GPR157: variants seen among roughly 807,000 people sequenced by gnomAD.
GPR157 encodes G-protein coupled receptor 157.
In GPR157, 16 loss-of-function variants were observed where a neutral mutation model predicts 23.5. The ratio of observed to expected loss-of-function variants is 0.68; its 90% CI spans 0.46 to 1.04. The LOEUF (loss-of-function observed/expected upper bound fraction) is 1.04. GPR157 is among the 50% of genes least tolerant of loss of function. GPR157 has a pLI of 0.00. For missense variants in GPR157, 440 were observed against 460.7 expected (o/e 0.96, Z 0.41); for synonymous variants, 200 against 221.5 (o/e 0.90, Z 0.86).
In GPR157 at chr1:9,128,880, GC is replaced by G; in HGVS notation, c.147del (p.Leu50CysfsTer93). On this transcript the variant is annotated frameshift_variant, in exon 1 of 4. Transcript: ENST00000377411. LOFTEE classifies it high-confidence loss of function. The surrounding 1 kb of genome is among the most constrained non-coding windows in gnomAD (Gnocchi z 6.3). ...AGGTCGGCCAGCGACAGGAAGAGCA[GC>G]AGGCGCCGTGCCCGGCTGCGCAGGT... ...WPDLRSRARR[L>X]LLFLSLADLL... The G allele has an allele frequency of 1.3e-6, 2 of 1,565,830 alleles. No individual in the cohort carries two copies. The highest frequency in any genetic ancestry group is 1.7e-6 in the Non-Finnish European group (2 of 1,157,094).
intron 1 of GPR157, among the ~76,000 whole-genome samples, chr1:9,112,048 G>A (rs539103019): frequency 2.6e-5 from 4 of 152,184 alleles, no homozygotes; most frequent in South Asian, 2.1e-4. Context: ...TGCTGCTGTC[G>A]TGACTGTTGT....
intron 1 of GPR157, among the ~76,000 whole-genome samples, chr1:9,126,249 G>A (rs559158435): frequency 4.6e-5 from 7 of 152,274 alleles, no homozygotes; most frequent in East Asian, 3.9e-4. Flanking sequence ...ATGAGCCACC[G>A]TGCCCAACTC....
intron 1 of GPR157, among the ~76,000 whole-genome samples, chr1:9,121,030 C>T (rs1283266021): frequency 6.6e-6 from 1 of 152,112 alleles, no homozygotes; most frequent in Non-Finnish European, 1.5e-5. Flanking sequence ...ACGGTGAGCT[C>T]GTTTCAAATT....
intron 1 of GPR157, among the ~76,000 whole-genome samples, chr1:9,123,803 TA>T (rs1638908445): frequency 4.6e-5 from 6 of 131,236 alleles, no homozygotes; most frequent in South Asian, 2.2e-4. Flanking sequence ...ATTATATATA[TA>T]TAATATTAAA....
intron 2 of GPR157, among the ~76,000 whole-genome samples, chr1:9,106,937 CT>C (rs1557694222): frequency 1.3e-5 from 2 of 152,128 alleles, no homozygotes; most frequent in Admixed American, 6.6e-5. Flanking sequence ...GCACTCCAGC[CT>C]GGGCAACAGC....
At chr1:9,126,907 T>A (rs753249959) in intron 1 of GPR157, among the ~76,000 whole-genome samples, 74 of 152,216 alleles carry the variant, frequency 4.9e-4, no homozygotes, top group Middle Eastern at 3.4e-3. Context: ...TTTTTAAAAA[T>A]TTTTTTCTTT....
Position 9,105,672 on chromosome 1 carries a change from T to C in GPR157, c.606A>G (p.Ala202=). 1.2e-6 allele frequency: 2 copies of C among 1,607,372 alleles called. No homozygotes were observed. The highest frequency in any genetic ancestry group is 2.2e-5 in the South Asian group (2 of 89,780). The part of the protein sequence containing the change: ...VRKHINRAHT[A]LSEYRPILSQ... ...AGAGGATGGGCCGGTACTCAGAGAGTGCCGTGTGCTGTGTGGGGACAGCGA... is the reference window on the plus strand; with the variant it reads ...AGAGGATGGGCCGGTACTCAGAGAGCGCCGTGTGCTGTGTGGGGACAGCGA... Residue 202 remains alanine (A), a synonymous_variant, in exon 3 of 4, where the codon GCA becomes GCG. Transcript: ENST00000377411. The surrounding 1 kb of genome is among the most constrained non-coding windows in gnomAD (Gnocchi z 4.8).
At chr1:9,108,228 A>G (rs535181483) in intron 2 of GPR157, among the ~76,000 whole-genome samples, 1 of 151,876 alleles carries the variant, frequency 6.6e-6, no homozygotes, top group Non-Finnish European at 1.5e-5. Flanking sequence ...TCAGCCCCCA[A>G]TCTTCTGCAA....
intron 1 of GPR157, among the ~76,000 whole-genome samples, chr1:9,113,712 G>A (rs1638564524): frequency 6.6e-6 from 1 of 152,112 alleles, no homozygotes; most frequent in Non-Finnish European, 1.5e-5. Context: ...GGGAGGCCAA[G>A]GTGGGCAGAA....
In GPR157 at chr1:9,128,936, A is replaced by C. The variant is rs1265408973; in HGVS notation, c.92T>G (p.Leu31Arg). ...CCACAGGGCGTGCGTGGCCACCAGC[A>C]GGCCCGAGCCGAGCGCGGAGAGTGC... is the stretch of plus-strand genomic sequence containing the variant. ...SCALSALGSG[L>R]LVATHALWPD... is the part of the protein sequence containing the mutation. The change falls in exon 1 of 4, where the codon CTG becomes CGG. Residue 31 changes from leucine (L) to arginine (R), a missense_variant. Physicochemically the swap from Leu to Arg is moderately radical, Grantham distance 102. Transcript: ENST00000377411. The surrounding 1 kb of genome is among the most constrained non-coding windows in gnomAD (Gnocchi z 6.3). 6.6e-7 allele frequency: 1 copy of C among 1,521,200 alleles called. No homozygotes were observed. 94.2% of individuals were successfully genotyped at this position (1,521,200 alleles called of 1,614,324 possible).
In GPR157 at chr1:9,101,764, C is replaced by T. The variant is rs1418285292; in HGVS notation, c.*2655G>A. 1.3e-5 allele frequency: 2 copies of T among 152,260 alleles called. No homozygotes were observed. Among genetic ancestry groups the T allele is most frequent in the Non-Finnish European group, 2.9e-5 (2 of 68,066 alleles). 9.4% of individuals were successfully genotyped at this position (152,260 alleles called of 1,614,324 possible). On this transcript the variant is annotated 3_prime_UTR_variant, in exon 4 of 4. Coordinates refer to ENST00000377411, the MANE Select transcript of GPR157 (RefSeq NM_024980.5). ...CCTTTCCTGACCACAGCCAGTCCAT[C>T]TGGGGAGCCATGTCTCAGCTCTGGC... is the stretch of plus-strand genomic sequence containing the variant.
intron 1 of GPR157, among the ~76,000 whole-genome samples, chr1:9,116,329 T>TATAATTA (rs1458265780): frequency 2.8e-5 from 1 of 35,242 alleles, no homozygotes; most frequent in African/African-American, 1.9e-4. Flanking sequence ...TATATATAAA[T>TATAATTA]TATATATAAT....
In GPR157 at chr1:9,105,809, G is replaced by A. The variant is rs1705303; in HGVS notation, c.598-129C>T. 1,083 of 728,484 alleles carry A rather than the reference G, an allele frequency of 1.5e-3. No individual in the cohort carries two copies. The highest frequency in any genetic ancestry group is 2.1e-3 in the Non-Finnish European group (927 of 449,142). 45.1% of individuals were successfully genotyped at this position (728,484 alleles called of 1,614,324 possible). On this transcript the variant is annotated intron_variant, in intron 2 of 3. Transcript: ENST00000377411. This position sits in a 1 kb window ranked among gnomAD's most constrained non-coding sequence, Gnocchi z 4.8. ...GTAGGGGAGATGTGTGGTGGAGCCCGGATCCTTCTCCTGAACCCTGACTGC... is the reference window on the plus strand; with the variant it reads ...GTAGGGGAGATGTGTGGTGGAGCCCAGATCCTTCTCCTGAACCCTGACTGC...
intron 1 of GPR157, among the ~76,000 whole-genome samples, chr1:9,122,832 C>T (rs1006151080): frequency 6.6e-6 from 1 of 151,940 alleles, no homozygotes; most frequent in Non-Finnish European, 1.5e-5. Context: ...TTTTCCTTTG[C>T]TATCAGGGAC....
At chr1:9,113,469 T>C (rs942905074) in intron 1 of GPR157, among the ~76,000 whole-genome samples, 2 of 152,122 alleles carry the variant, frequency 1.3e-5, no homozygotes, top group African/African-American at 4.8e-5. Flanking sequence ...GAAGGCCTCA[T>C]GCAGGATGCT....
At chr1:9,121,918 G>A (rs1483953048) in intron 1 of GPR157, among the ~76,000 whole-genome samples, 14 of 152,076 alleles carry the variant, frequency 9.2e-5, no homozygotes, top group East Asian at 7.7e-4. Context: ...GAGATGAACC[G>A]GCTCGGCCAG....
rs1371861406 is a variant in GPR157 at position 9,128,428 on chromosome 1, C to A, written c.383+217G>T. ...GTCCCCACTACCCCAAGGGGCTGTG[C>A]CCTGGGGCAGGCACAGCGGGGCTCC... is the stretch of plus-strand genomic sequence containing the variant. On this transcript the variant is annotated intron_variant, in intron 1 of 3. Coordinates refer to ENST00000377411, the MANE Select transcript of GPR157 (RefSeq NM_024980.5). This position sits in a 1 kb window ranked among gnomAD's most constrained non-coding sequence, Gnocchi z 6.3. 2 of 689,740 alleles carry A rather than the reference C, an allele frequency of 2.9e-6. No homozygotes were observed. The highest frequency in any genetic ancestry group is 3.5e-5 in the African/African-American group (2 of 56,842). The allele number at this position is 689,740 out of a possible 1,614,324, so 42.7% of individuals were successfully genotyped here. A position where few individuals can be genotyped will look rare whatever the true frequency, so the allele number is the denominator to read the frequency against.
chr1:9,107,135 C>T lies in GPR157; in HGVS notation c.598-1455G>A, dbSNP rs1029852933. Among the ~76,000 whole-genome samples the T allele has an allele frequency of 2.0e-4, 30 of 152,248 alleles. 1 individual carries two copies. In the East Asian group the frequency reaches 3.7e-3, roughly 19 times the overall value. On this transcript the variant is annotated intron_variant, in intron 2 of 3. Transcript: ENST00000377411. ...TGGGCTTATTGCTTATCATCGTCCT[C>T]CCCTCCAGAATGCAAGCCCCCTCCC...
intron 2 of GPR157, among the ~76,000 whole-genome samples, chr1:9,109,079 ATTTTTTTTT>A (rs35405293): frequency 1.6e-5 from 2 of 121,922 alleles, no homozygotes; most frequent in Admixed American, 8.9e-5. Context: ...CCCGGCCCTA[ATTTTTTTTT>A]TTTTTTTTTT....
Sources: allele counts gnomAD v4.1 joint callset (sites outside exome capture counted in the v4.1 genomes callset), GRCh38; gene constraint gnomAD v4.1.1; non-coding constraint Gnocchi (gnomAD v3.1); transcripts MANE v1.5; gene names NCBI Gene and HGNC (gene_info 2026-07-23, HGNC 2026-07-21).